GPR158: variants seen among roughly 807,000 people sequenced by gnomAD.
The protein encoded by GPR158 is metabotropic glycine receptor.
GPR158 carries 30 observed loss-of-function variants against 78.2 expected under a neutral mutation model. The observed-to-expected ratio is 0.38, with a 90% CI of 0.29 to 0.52. GPR158 has a LOEUF of 0.52. GPR158 is among the 20% of genes least tolerant of loss of function. The pLI is 0.83. For missense variants in GPR158, 1,463 were observed against 1,523.5 expected (o/e 0.96, Z 0.66); for synonymous variants, 581 against 591.1 (o/e 0.98, Z 0.25).
intron 2 of GPR158, among the ~76,000 whole-genome samples, chr10:25,240,796 A>G (rs1432425041): frequency 2.6e-5 from 4 of 152,342 alleles, no homozygotes; most frequent in South Asian, 4.1e-4. Flanking sequence ...ATATCTATCA[A>G]TTGGGAGTAG....
chr10:25,294,872 G>C (rs1318053075), intron 2 of GPR158, among the ~76,000 whole-genome samples: 4 of 152,164 alleles, frequency 2.6e-5, no homozygotes, highest in Admixed American at 2.6e-4. Flanking sequence ...CAAATTGCTG[G>C]TCAGAATGTC....
chr10:25,565,536 C>G (rs1836918105), intron 6 of GPR158, among the ~76,000 whole-genome samples: 1 of 152,054 alleles, frequency 6.6e-6, no homozygotes, highest in African/African-American at 2.4e-5. Flanking sequence ...GATGATATGG[C>G]CCTGAACCAG....
At chr10:25,484,838 GTAAT>G (rs1835711149) in intron 5 of GPR158, among the ~76,000 whole-genome samples, 2 of 152,064 alleles carry the variant, frequency 1.3e-5, no homozygotes, top group South Asian at 4.1e-4. Context: ...GGACACATAA[GTAAT>G]TATTCATTTC....
Position 25,594,411 on chromosome 10 carries a change from A to T in GPR158, c.1998+14A>T. The T allele has an allele frequency of 8.0e-7, 1 of 1,245,134 alleles. No homozygotes were observed. Among genetic ancestry groups the T allele is most frequent in the Non-Finnish European group, 1.1e-6 (1 of 869,626 alleles). 77.1% of individuals were successfully genotyped at this position (1,245,134 alleles called of 1,614,324 possible). A position where few individuals can be genotyped will look rare whatever the true frequency, so the allele number is the denominator to read the frequency against. On this transcript the variant is annotated intron_variant, in intron 9 of 10. Coordinates refer to ENST00000376351, the MANE Select transcript of GPR158 (RefSeq NM_020752.3). ...TTGATTCCAAAGGTATTCTTCTAAT[A>T]TTACTTTTTTTTTTGCAAAACTTAT...
intron 2 of GPR158, among the ~76,000 whole-genome samples, chr10:25,289,622 T>C (rs978619851): frequency 2.6e-5 from 4 of 151,882 alleles, no homozygotes; most frequent in Non-Finnish European, 5.9e-5. Context: ...TTAGTAGAGA[T>C]GGAGTTTCAC....
At chr10:25,488,164 AT>A (rs1835758393) in intron 5 of GPR158, among the ~76,000 whole-genome samples, 1 of 152,134 alleles carries the variant, frequency 6.6e-6, no homozygotes, top group Non-Finnish European at 1.5e-5. Flanking sequence ...GGTGACTACC[AT>A]TCCCTCTACC....
At chr10:25,195,232 A>ATC (rs1340194638) in intron 1 of GPR158, among the ~76,000 whole-genome samples, 1 of 150,576 alleles carries the variant, frequency 6.6e-6, no homozygotes, top group Non-Finnish European at 1.5e-5. Flanking sequence ...TTGAGACGGA[A>ATC]TCTCACTCTG....
intron 8 of GPR158, among the ~76,000 whole-genome samples, chr10:25,590,716 A>C (rs575073430): frequency 6.6e-6 from 1 of 152,330 alleles, no homozygotes; most frequent in South Asian, 2.1e-4. Flanking sequence ...ACCAGTAAGA[A>C]GGCTTCTCAG....
At chr10:25,392,657 A>G (rs900416344) in intron 2 of GPR158, among the ~76,000 whole-genome samples, 4 of 152,096 alleles carry the variant, frequency 2.6e-5, no homozygotes, top group Admixed American at 6.6e-5. Context: ...GCATCACTAT[A>G]TTTACAGTTT....
At chr10:25,443,052 T>G (rs1564456974) in intron 4 of GPR158, among the ~76,000 whole-genome samples, 2 of 152,004 alleles carry the variant, frequency 1.3e-5, no homozygotes, top group Admixed American at 1.3e-4. Flanking sequence ...ATGGACCCTT[T>G]CTATAACTTC....
chr10:25,286,604 G>GT (rs141588490), intron 2 of GPR158, among the ~76,000 whole-genome samples: 10,076 of 150,942 alleles, frequency 0.067, 542 homozygotes, highest in East Asian at 0.25. Context: ...CAGTGTTGTT[G>GT]TTTTTTTTTA....
intron 2 of GPR158, among the ~76,000 whole-genome samples, chr10:25,242,498 A>G (rs1190693537): frequency 2.0e-5 from 3 of 152,244 alleles, no homozygotes; most frequent in Middle Eastern, 3.2e-3. Flanking sequence ...TGTCTATGCT[A>G]ATAGGAAAGT....
At chr10:25,372,201 G>A (rs535592449) in intron 2 of GPR158, among the ~76,000 whole-genome samples, 3 of 151,940 alleles carry the variant, frequency 2.0e-5, no homozygotes, top group Admixed American at 1.3e-4. Flanking sequence ...TAAAAAGTCA[G>A]GAAACAACAG....
chr10:25,230,157 C>T (rs1853429489), intron 2 of GPR158, among the ~76,000 whole-genome samples: 1 of 152,146 alleles, frequency 6.6e-6, no homozygotes, highest in Non-Finnish European at 1.5e-5. Context: ...AAATGGACAA[C>T]TGCATCACAA....
At chr10:25,549,462 C>CT (rs34318456) in intron 5 of GPR158, among the ~76,000 whole-genome samples, 11,188 of 150,018 alleles carry the variant, frequency 0.075, 943 homozygotes, top group East Asian at 0.49. Context: ...CAGGTTTTTA[C>CT]TTTTTTTTTT....
At chr10:25,494,363 GTTTTA>G (rs1451506994) in intron 5 of GPR158, among the ~76,000 whole-genome samples, 6 of 152,070 alleles carry the variant, frequency 3.9e-5, no homozygotes, top group African/African-American at 1.4e-4. Context: ...ATTTTATTAT[GTTTTA>G]TTAAGAAGTT....
chr10:25,588,110 T>TA (rs531584928), intron 7 of GPR158, among the ~76,000 whole-genome samples: 47 of 152,340 alleles, frequency 3.1e-4, no homozygotes, highest in African/African-American at 8.4e-4. Flanking sequence ...TGTTTAATAA[T>TA]AAAAACCATT....
intron 2 of GPR158, among the ~76,000 whole-genome samples, chr10:25,384,939 T>G (rs1337075184): frequency 1.3e-5 from 2 of 152,210 alleles, no homozygotes; most frequent in African/African-American, 2.4e-5. Context: ...ATCATTTTGC[T>G]CTAAAATATT....
chr10:25,280,952 T>C lies in GPR158; in HGVS notation c.1008+59795T>C, dbSNP rs534273544. ...GAGTTGGAGACCAGCCTGGCCAACA[T>C]GGCAAAATCCCCTCTCTACTAAAAA... On this transcript the variant is annotated intron_variant, in intron 2 of 10. Coordinates refer to ENST00000376351, the MANE Select transcript of GPR158 (RefSeq NM_020752.3). Among the ~76,000 whole-genome samples, 15 of 151,872 alleles carry C rather than the reference T, an allele frequency of 9.9e-5. No individual in the cohort carries two copies. The South Asian group carries it at 2.7e-3, about 27-fold the overall frequency.
Sources: gnomAD v4.1 joint callset for allele counts (sites outside exome capture counted in the v4.1 genomes callset) on GRCh38, gnomAD v4.1.1 for gene constraint, MANE v1.5 for transcripts, NCBI Gene and HGNC (gene_info 2026-07-23, HGNC 2026-07-21) for gene names.